The following MTOR variants were observed in gnomAD, a reference collection of about 807,000 sequenced individuals.
MTOR encodes serine/threonine-protein kinase mTOR.
A neutral mutation model predicts 319.8 loss-of-function variants in MTOR; 70 were observed. The ratio of observed to expected loss-of-function variants is 0.22; its 90% CI spans 0.18 to 0.27. MTOR has a LOEUF of 0.27. MTOR is among the 10% of genes least tolerant of loss of function. MTOR has a pLI of 1.00. For missense variants in MTOR, 1,890 were observed against 3,274.4 expected (o/e 0.58, Z 10.32); for synonymous variants, 1,183 against 1,211.4 (o/e 0.98, Z 0.49).
chr1:11,242,350 A>T (rs546998834), intron 9 of MTOR, among the ~76,000 whole-genome samples: 1 of 152,176 alleles, frequency 6.6e-6, no homozygotes, highest in East Asian at 1.9e-4. Flanking sequence ...AAATACAATT[A>T]TTAGCTTGGC....
At chr1:11,170,316 A>T (rs866107036) in intron 28 of MTOR, among the ~76,000 whole-genome samples, 14 of 152,266 alleles carry the variant, frequency 9.2e-5, no homozygotes, top group African/African-American at 3.4e-4. Flanking sequence ...GCCCAATCAC[A>T]TGGGGCTGGG....
rs1463351314 is a variant in MTOR, at chr1:11,106,948, G to A, written c.*537C>T. ...AGACAGACCTTTTGTACTCATTTTG[G>A]CCTATCTTGCAAACATTTCTGCTGC... On this transcript the variant is annotated 3_prime_UTR_variant, in exon 58 of 58. Coordinates refer to ENST00000361445, the MANE Select transcript of MTOR (RefSeq NM_004958.4). 4.4e-6 allele frequency: 6 copies of A among 1,370,330 alleles called. No homozygotes were observed. The highest frequency in any genetic ancestry group is 5.8e-6 in the Non-Finnish European group (6 of 1,038,744). The allele number at this position is 1,370,330 out of a possible 1,614,324, so 84.9% of individuals were successfully genotyped here. A position where few individuals can be genotyped will look rare whatever the true frequency, so the allele number is the denominator to read the frequency against.
intron 28 of MTOR, among the ~76,000 whole-genome samples, chr1:11,175,746 G>GATTTTTTTTTTTT (rs1644963208): frequency 7.3e-6 from 1 of 137,312 alleles, no homozygotes; most frequent in African/African-American, 2.7e-5. Flanking sequence ...TCCCTAGCAG[G>GATTTTTTTTTTTT]TTTTTTTTTT....
chr1:11,181,174 G>A (rs1443660332), intron 28 of MTOR, among the ~76,000 whole-genome samples: 1 of 152,080 alleles, frequency 6.6e-6, no homozygotes, highest in Admixed American at 6.6e-5. Context: ...GAAGTAATCA[G>A]ACATGTCATT....
At chr1:11,126,041 CAAAAAAAAA>C (rs757246303) in intron 46 of MTOR, among the ~76,000 whole-genome samples, 1 of 28,326 alleles carries the variant, frequency 3.5e-5, no homozygotes, top group Non-Finnish European at 7.8e-5. Context: ...AACTCTGGCT[CAAAAAAAAA>C]AAAAAAAAAA....
chr1:11,107,357 T>A lies in MTOR; in HGVS notation c.*128A>T. The A allele has an allele frequency of 6.5e-7, 1 of 1,541,916 alleles. No individual in the cohort carries two copies. Among genetic ancestry groups the A allele is most frequent in the Non-Finnish European group, 8.7e-7 (1 of 1,151,426 alleles). On this transcript the variant is annotated 3_prime_UTR_variant, in exon 58 of 58. Transcript: ENST00000361445. ...AAACCAACTTTTAATATACAGTAGT[T>A]CTTTTCATTTACATTTCAAAATATT...
intron 28 of MTOR, among the ~76,000 whole-genome samples, chr1:11,180,949 G>T (rs1407515389): frequency 6.6e-6 from 1 of 152,092 alleles, no homozygotes; most frequent in African/African-American, 2.4e-5. Flanking sequence ...GCTAATTTTT[G>T]TATTTTTAAT....
chr1:11,165,346 C>G (rs985207797), intron 29 of MTOR, among the ~76,000 whole-genome samples: 1 of 152,164 alleles, frequency 6.6e-6, no homozygotes, highest in South Asian at 2.1e-4. Flanking sequence ...TAGAAAACCC[C>G]GTCATCTCAG....
chr1:11,154,792 T>C (rs1644265404), intron 30 of MTOR, among the ~76,000 whole-genome samples: 1 of 151,830 alleles, frequency 6.6e-6, no homozygotes, highest in Admixed American at 6.6e-5. Flanking sequence ...AAGACCACAG[T>C]GAGCTGTGAT....
intron 28 of MTOR, among the ~76,000 whole-genome samples, chr1:11,187,725 C>T (rs151338594): frequency 3.6e-4 from 55 of 152,258 alleles, no homozygotes; most frequent in African/African-American, 1.3e-3. Flanking sequence ...TTGTAGGATG[C>T]CAATATTTGG....
At chr1:11,188,248 G>A (rs1437515438) in intron 28 of MTOR, among the ~76,000 whole-genome samples, 3 of 152,198 alleles carry the variant, frequency 2.0e-5, no homozygotes, top group African/African-American at 7.2e-5. Flanking sequence ...TAGATTCTTA[G>A]TGAAAAGCTT....
chr1:11,211,683 T>C (rs535059404), intron 23 of MTOR, among the ~76,000 whole-genome samples: 1 of 152,300 alleles, frequency 6.6e-6, no homozygotes, highest in South Asian at 2.1e-4. Context: ...TCTGCATTTC[T>C]AACAAGTTCT....
At chr1:11,225,840 G>A (rs1476649633) in intron 19 of MTOR, among the ~76,000 whole-genome samples, 1 of 152,186 alleles carries the variant, frequency 6.6e-6, no homozygotes, top group Non-Finnish European at 1.5e-5. Context: ...AGAGAACAGT[G>A]TGAACAATTT....
intron 28 of MTOR, among the ~76,000 whole-genome samples, chr1:11,184,002 T>C (rs1347357523): frequency 2.0e-5 from 3 of 152,244 alleles, no homozygotes; most frequent in Non-Finnish European, 4.4e-5. Flanking sequence ...GGTCTGTTTC[T>C]GGACATTTAA....
At chr1:11,226,688 T>C (rs12029823) in intron 19 of MTOR, among the ~76,000 whole-genome samples, 97,401 of 151,670 alleles carry the variant, frequency 0.64, 33,653 homozygotes, top group East Asian at 0.91. Flanking sequence ...GTGGGAGGAT[T>C]ATTTGAGCCC....
intron 6 of MTOR, among the ~76,000 whole-genome samples, chr1:11,251,858 C>T (rs1649738027): frequency 6.6e-6 from 1 of 152,050 alleles, no homozygotes; most frequent in African/African-American, 2.4e-5. Flanking sequence ...CTGACAACCA[C>T]TCTATGAGCT....
chr1:11,141,165 G>C (rs571190613), intron 34 of MTOR, among the ~76,000 whole-genome samples: 1 of 152,060 alleles, frequency 6.6e-6, no homozygotes, highest in East Asian at 1.9e-4. Context: ...ACCCAGGCTG[G>C]AGTAAAGTGG....
In MTOR at chr1:11,124,650, G is replaced by C. The variant is rs199813599; in HGVS notation, c.6527-17C>G. 2.8e-5 allele frequency: 45 copies of C among 1,602,078 alleles called. No homozygotes were observed. The Admixed American group carries it at 3.3e-4, about 12-fold the overall frequency. ...CGTTGCTGCCTGTAAGGAACAGTGGGAGCGGTGAGTGTACATCAGAGGTCC... is the reference window on the plus strand; with the variant it reads ...CGTTGCTGCCTGTAAGGAACAGTGGCAGCGGTGAGTGTACATCAGAGGTCC... On this transcript the variant is annotated splice_polypyrimidine_tract_variant and intron_variant, in intron 46 of 57. Transcript: ENST00000361445.
At chr1:11,183,210 G>C (rs1645213475) in intron 28 of MTOR, among the ~76,000 whole-genome samples, 1 of 152,160 alleles carries the variant, frequency 6.6e-6, no homozygotes, top group South Asian at 2.1e-4. Flanking sequence ...TTTCCATAAT[G>C]ACTAATGAGA....
Sources: gnomAD v4.1 joint callset for allele counts (sites outside exome capture counted in the v4.1 genomes callset) on GRCh38, gnomAD v4.1.1 for gene constraint, MANE v1.5 for transcripts, NCBI Gene and HGNC (gene_info 2026-07-23, HGNC 2026-07-21) for gene names.